Variants in ANKRD44 observed in about 807,000 individuals in gnomAD.
The protein encoded by ANKRD44 is ankyrin repeat domain 44, also known as serine/threonine-protein phosphatase 6 regulatory ankyrin repeat subunit B.
In ANKRD44, 35 loss-of-function variants were observed where a neutral mutation model predicts 116.0. That is an observed-to-expected ratio of 0.30 (90% CI 0.23 to 0.40). The LOEUF (loss-of-function observed/expected upper bound fraction) is 0.40. ANKRD44 is among the 10% of genes least tolerant of loss of function. The probability of loss-of-function intolerance (pLI) is 1.00; values close to 1 mark genes in which losing one functional copy is unlikely to be tolerated. For synonymous variants in ANKRD44, 435 were observed against 461.8 expected (o/e 0.94, Z 0.74); for missense variants, 1,014 against 1,242.6 (o/e 0.82, Z 2.77).
intron 16 of ANKRD44, among the ~76,000 whole-genome samples, chr2:197,044,534 T>C (rs988613925): frequency 6.6e-6 from 1 of 152,116 alleles, no homozygotes; most frequent in Non-Finnish European, 1.5e-5. Flanking sequence ...CTAATTTTTG[T>C]ATCTTTAGTA....
chr2:197,169,470 T>G lies in ANKRD44; in HGVS notation c.111+17553A>C, dbSNP rs6716679. On this transcript the variant is annotated intron_variant, in intron 2 of 27. Coordinates refer to ENST00000282272, the MANE Select transcript of ANKRD44 (RefSeq NM_001195144.2). Reference sequence around the variant, plus strand: ...ACCACTAATACAACCCCAGCACCTGTCATGGTGCCTGACACATAGCAGATT... The same window carrying G: ...ACCACTAATACAACCCCAGCACCTGGCATGGTGCCTGACACATAGCAGATT... 9.5e-3 allele frequency among the ~76,000 whole-genome samples: 1,450 copies of G among 152,272 alleles called. 24 individuals are homozygous for G. The highest frequency in any genetic ancestry group is 0.032 in the African/African-American group (1,330 of 41,548).
At chr2:197,281,585 G>A (rs970822818) in intron 1 of ANKRD44, among the ~76,000 whole-genome samples, 6 of 152,142 alleles carry the variant, frequency 3.9e-5, no homozygotes, top group African/African-American at 1.4e-4. Context: ...GCAACAGGGA[G>A]TAAAGTACCT....
intron 1 of ANKRD44, among the ~76,000 whole-genome samples, chr2:197,300,422 T>C (rs955407941): frequency 4.6e-5 from 7 of 152,212 alleles, no homozygotes; most frequent in Non-Finnish European, 8.8e-5. Context: ...AGCTCCCTTC[T>C]TAATGACTTT....
intron 21 of ANKRD44, among the ~76,000 whole-genome samples, chr2:196,972,892 A>G (rs966717336): frequency 2.0e-5 from 3 of 152,232 alleles, no homozygotes; most frequent in African/African-American, 4.8e-5. Context: ...AGATTTTATC[A>G]TTCACATTTA....
intron 2 of ANKRD44, among the ~76,000 whole-genome samples, chr2:197,167,284 GC>G (rs1371186432): frequency 6.6e-6 from 1 of 151,634 alleles, no homozygotes; most frequent in East Asian, 1.9e-4. Flanking sequence ...TCATATACAT[GC>G]CACTATATTA....
At chr2:197,185,724 T>C (rs1327550256) in intron 2 of ANKRD44, among the ~76,000 whole-genome samples, 5 of 152,204 alleles carry the variant, frequency 3.3e-5, no homozygotes, top group African/African-American at 1.2e-4. Flanking sequence ...AGATACCTTT[T>C]TAAGAACTTG....
chr2:196,991,173 C>A (rs1016285595), intron 27 of ANKRD44, among the ~76,000 whole-genome samples: 1 of 152,094 alleles, frequency 6.6e-6, no homozygotes, highest in Non-Finnish European at 1.5e-5. Context: ...CTATGACAAG[C>A]ACAATATCAT....
intron 16 of ANKRD44, among the ~76,000 whole-genome samples, chr2:197,050,920 A>T (rs2125009993): frequency 6.6e-6 from 1 of 151,056 alleles, no homozygotes; most frequent in African/African-American, 2.4e-5. Context: ...ATAGTACCCT[A>T]GTACCCTGGG....
intron 16 of ANKRD44, among the ~76,000 whole-genome samples, chr2:197,048,917 G>A (rs565136928): frequency 2.0e-5 from 3 of 152,282 alleles, no homozygotes; most frequent in African/African-American, 7.2e-5. Context: ...GTTTTGATTT[G>A]CATTTCTCTG....
intron 16 of ANKRD44, among the ~76,000 whole-genome samples, chr2:197,053,552 C>T (rs964475180): frequency 2.6e-5 from 4 of 152,226 alleles, no homozygotes; most frequent in African/African-American, 4.8e-5. Flanking sequence ...GGTATGATCT[C>T]GGCTCTTTGT....
chr2:197,252,433 CGGAG>C (rs1269715010), intron 1 of ANKRD44, among the ~76,000 whole-genome samples: 1 of 149,624 alleles, frequency 6.7e-6, no homozygotes, highest in Non-Finnish European at 1.5e-5. Flanking sequence ...TAGACGGAGT[CGGAG>C]TCTCTGTCGC....
At chr2:196,986,621 T>C (rs556721910), downstream of ANKRD44, 4 of 837,518 alleles carry the variant, frequency 4.8e-6, no homozygotes, top group African/African-American at 7.4e-5. Context: ...TAAATTAGCA[T>C]AATTTAGAAA....
rs553389453 is a variant in ANKRD44 at position 196,991,357 on chromosome 2, GA to G, written c.2924-1709del. Among the ~76,000 whole-genome samples the G allele has an allele frequency of 1.6e-3, 242 of 152,232 alleles. 2 individuals are homozygous for G. Among genetic ancestry groups the G allele is most frequent in the African/African-American group, 5.6e-3 (232 of 41,548 alleles). On this transcript the variant is annotated intron_variant, in intron 27 of 27. Coordinates refer to ENST00000282272, the MANE Select transcript of ANKRD44 (RefSeq NM_001195144.2). ...GGCCTGAGAAGGACTCTCATTCTGA[GA>G]ACAATGACTTTCCATTGTTAGGTAA...
intron 1 of ANKRD44, among the ~76,000 whole-genome samples, chr2:197,235,473 G>A (rs2081957524): frequency 1.3e-5 from 2 of 151,900 alleles, no homozygotes; most frequent in African/African-American, 4.8e-5. Context: ...AAAATTAGTT[G>A]GGCATGGTGG....
intron 16 of ANKRD44, among the ~76,000 whole-genome samples, chr2:197,066,203 A>C (rs2077429982): frequency 6.6e-6 from 1 of 152,360 alleles, no homozygotes; most frequent in Non-Finnish European, 1.5e-5. Context: ...TGATTATCTC[A>C]ATAGATGCAG....
At position 197,158,994 on chromosome 2, in the gene ANKRD44, C is replaced by CAA. The variant is rs72275733; in HGVS notation, c.112-11890_112-11889insTT. ...AGCAAAGAGCAAACAAACACACACA[C>CAA]ACACACACACACATACACACACATA... On this transcript the variant is annotated intron_variant, in intron 2 of 27. Transcript: ENST00000282272. Among the ~76,000 whole-genome samples the CAA allele has an allele frequency of 6.6e-5, 10 of 151,466 alleles. No individual in the cohort carries two copies. In the South Asian group the frequency reaches 2.1e-3, roughly 32 times the overall value.
rs113031501 is a variant in ANKRD44 at position 197,199,631 on chromosome 2, G to A, written c.28-12525C>T. 2.5e-3 allele frequency among the ~76,000 whole-genome samples: 381 copies of A among 152,116 alleles called. 2 individuals carry two copies. Among genetic ancestry groups the A allele is most frequent in the African/African-American group, 8.4e-3 (348 of 41,482 alleles). On this transcript the variant is annotated intron_variant, in intron 1 of 27. Coordinates refer to ENST00000282272, the MANE Select transcript of ANKRD44 (RefSeq NM_001195144.2). ...ACACACACACTTTTTTTGAGATGGG[G>A]GTCTTGCTATATTGTCCAGGGTGGT...
chr2:196,975,933 C>T (rs925216416), intron 21 of ANKRD44, among the ~76,000 whole-genome samples: 5 of 151,748 alleles, frequency 3.3e-5, no homozygotes, highest in African/African-American at 1.2e-4. Flanking sequence ...AAGTCCTCAA[C>T]AAAATATTAG....
chr2:197,191,457 CGA>C (rs2080820299), intron 1 of ANKRD44, among the ~76,000 whole-genome samples: 1 of 152,122 alleles, frequency 6.6e-6, no homozygotes, highest in Non-Finnish European at 1.5e-5. Flanking sequence ...TCTAATCAGC[CGA>C]AAGCCACTTT....
Sources: allele counts gnomAD v4.1 joint callset (sites outside exome capture counted in the v4.1 genomes callset), GRCh38; gene constraint gnomAD v4.1.1; transcripts MANE v1.5; gene names NCBI Gene and HGNC (gene_info 2026-07-23, HGNC 2026-07-21).